The following ZSCAN5A variants were observed in gnomAD, a reference collection of about 807,000 sequenced individuals.
ZSCAN5A encodes zinc finger and SCAN domain-containing protein 5A.
In ZSCAN5A, 12 loss-of-function variants were observed where a neutral mutation model predicts 23.7. The observed-to-expected ratio is 0.51, with a 90% CI of 0.32 to 0.82. The LOEUF (loss-of-function observed/expected upper bound fraction) is 0.82, where lower values mean the gene tolerates loss of function less well. Among genes scored for constraint, ZSCAN5A ranks in the 40% least tolerant of loss-of-function variants. The probability of loss-of-function intolerance (pLI) is 0.03; values close to 1 mark genes in which losing one functional copy is unlikely to be tolerated. For synonymous variants in ZSCAN5A, 257 were observed against 239.9 expected, an observed-to-expected ratio of 1.07 and a Z score of -0.66; for missense variants, 597 against 617.9, an observed-to-expected ratio of 0.97 and a Z score of 0.36.
intron 2 of ZSCAN5A, chr19:56,283,555 T>C (rs1361443295): frequency 1.3e-5 from 2 of 152,122 alleles, no homozygotes; most frequent in Admixed American, 6.5e-5. Context: ...GAGAAAGGTG[T>C]TGCGAGCTCC....
At chr19:56,249,185 C>T (rs1348602632) in intron 2 of ZSCAN5A, among the ~76,000 whole-genome samples, 1 of 152,178 alleles carries the variant, frequency 6.6e-6, no homozygotes, top group East Asian at 1.9e-4. Flanking sequence ...GAAGGCTTTG[C>T]TAATCTACAA....
chr19:56,246,956 G>A, intron 2 of ZSCAN5A: 2 of 1,516,104 alleles, frequency 1.3e-6, no homozygotes, highest in Non-Finnish European at 1.8e-6. Context: ...GTGGGCAACA[G>A]CGAATCCCCA....
intron 2 of ZSCAN5A, chr19:56,285,155 T>C (rs1449956620): frequency 1.6e-5 from 5 of 314,822 alleles, no homozygotes; most frequent in Non-Finnish European, 2.3e-5. Flanking sequence ...GCACATGTTT[T>C]GTTTGAACTT....
intron 2 of ZSCAN5A, among the ~76,000 whole-genome samples, chr19:56,232,206 G>A (rs903821782): frequency 1.3e-5 from 2 of 151,742 alleles, no homozygotes; most frequent in African/African-American, 4.8e-5. Flanking sequence ...GAACTCCTGG[G>A]CTCAAGCAAT....
intron 2 of ZSCAN5A, among the ~76,000 whole-genome samples, chr19:56,285,599 C>A (rs1172529376): frequency 1.3e-5 from 2 of 152,010 alleles, no homozygotes; most frequent in Non-Finnish European, 2.9e-5. Flanking sequence ...GGATTCCTAA[C>A]ATATTTTGAT....
intron 1 of ZSCAN5A, chr19:56,368,043 G>A (rs571003191): frequency 3.9e-5 from 6 of 152,462 alleles, no homozygotes; most frequent in Admixed American, 6.5e-5. Context: ...GCCCTCAGAA[G>A]GCAACCGCTT....
At chr19:56,234,936 CA>C (rs2034761079) in intron 2 of ZSCAN5A, among the ~76,000 whole-genome samples, 1 of 152,226 alleles carries the variant, frequency 6.6e-6, no homozygotes, top group African/African-American at 2.4e-5. Flanking sequence ...TTAGGGTAAC[CA>C]GGGGTTAAGG....
chr19:56,351,873 C>A lies in ZSCAN5A; in HGVS notation c.-358+11362G>T, dbSNP rs2041669573. Among the ~76,000 whole-genome samples, 1 of 152,174 alleles carries A rather than the reference C, an allele frequency of 6.6e-6. No individual in the cohort carries two copies. The highest frequency in any genetic ancestry group is 2.4e-5 in the African/African-American group (1 of 41,454). On this transcript the variant is annotated intron_variant, in intron 2 of 6. Coordinates refer to the ZSCAN5A transcript ENST00000587340. The surrounding 1 kb of genome is among the most constrained non-coding windows in gnomAD (Gnocchi z 4.8). ...TTCTTTAGATGGCTGGTGGATCTAT[C>A]TGGATTGAAGGGATTCCTTTTCCCA... is the stretch of plus-strand genomic sequence containing the variant.
At chr19:56,342,509 A>G in intron 2 of ZSCAN5A, 1 of 387,886 alleles carries the variant, frequency 2.6e-6, no homozygotes, top group Non-Finnish European at 5.3e-6. Context: ...GCACTCCAAT[A>G]AAATCTATCT....
chr19:56,233,969 G>A (rs2018685), intron 2 of ZSCAN5A, among the ~76,000 whole-genome samples: 78,540 of 151,880 alleles, frequency 0.52, 20,422 homozygotes, highest in South Asian at 0.58. Context: ...CCAGCACTCT[G>A]GAAGGCTGAG....
At chr19:56,331,578 CTTTTTTTTTTTTTTT>C (rs68085541) in intron 2 of ZSCAN5A, among the ~76,000 whole-genome samples, 4 of 48,964 alleles carry the variant, frequency 8.2e-5, no homozygotes, top group Non-Finnish European at 1.2e-4. Flanking sequence ...GAATTGCATT[CTTTTTTTTTTTTTTT>C]TTTTTTTTTT....
At chr19:56,260,970 G>A (rs113782087) in intron 2 of ZSCAN5A, among the ~76,000 whole-genome samples, 3,073 of 152,252 alleles carry the variant, frequency 0.02, 116 homozygotes, top group African/African-American at 0.069. Flanking sequence ...CACTTTGGGA[G>A]GCCGAGGCGG....
At chr19:56,315,768 G>C (rs1371019028), upstream of ZSCAN5A, 8 of 152,202 alleles carry the variant, frequency 5.3e-5, no homozygotes, top group Non-Finnish European at 1.2e-4. Flanking sequence ...CTGTGTCTCA[G>C]TTTCCGCATA....
intron 2 of ZSCAN5A, among the ~76,000 whole-genome samples, chr19:56,260,302 C>A (rs187472309): frequency 1.3e-5 from 2 of 150,798 alleles, no homozygotes; most frequent in East Asian, 3.9e-4. Context: ...GCAACCTCCG[C>A]TTCCAGGGTT....
At chr19:56,245,667 T>C (rs1280666458) in intron 2 of ZSCAN5A, among the ~76,000 whole-genome samples, 1 of 152,138 alleles carries the variant, frequency 6.6e-6, no homozygotes, top group Non-Finnish European at 1.5e-5. Flanking sequence ...CTCAGTGAAA[T>C]GAGGGAGGCA....
chr19:56,230,460 C>T (rs1291453392), intron 2 of ZSCAN5A, among the ~76,000 whole-genome samples: 1 of 152,120 alleles, frequency 6.6e-6, no homozygotes, highest in Non-Finnish European at 1.5e-5. Flanking sequence ...ATCGTCAGAA[C>T]CAAGCTAGTT....
intron 2 of ZSCAN5A, among the ~76,000 whole-genome samples, chr19:56,231,084 A>T (rs1350234898): frequency 1.3e-5 from 2 of 152,188 alleles, no homozygotes; most frequent in Non-Finnish European, 2.9e-5. Flanking sequence ...ATTATGGTGC[A>T]AGCCTGTAGT....
At chr19:56,230,109 T>C (rs1325654504) in intron 2 of ZSCAN5A, among the ~76,000 whole-genome samples, 2 of 152,104 alleles carry the variant, frequency 1.3e-5, no homozygotes, top group Non-Finnish European at 2.9e-5. Context: ...CACATTATTA[T>C]TATATTATTA....
At chr19:56,285,397 C>G (rs1050890589) in intron 2 of ZSCAN5A, among the ~76,000 whole-genome samples, 4 of 152,196 alleles carry the variant, frequency 2.6e-5, no homozygotes, top group African/African-American at 9.7e-5. Flanking sequence ...AATAGTCATA[C>G]ACATGTATGT....
Sources: gnomAD v4.1 joint callset for allele counts (sites outside exome capture counted in the v4.1 genomes callset) on GRCh38, gnomAD v4.1.1 for gene constraint, Gnocchi (gnomAD v3.1) non-coding constraint, MANE v1.5 for transcripts, NCBI Gene and HGNC (gene_info 2026-07-23, HGNC 2026-07-21) for gene names.